The following SYNE2 variants were observed in gnomAD, a reference collection of about 807,000 sequenced individuals.
The protein encoded by SYNE2 is nesprin-2.
A neutral mutation model predicts 856.3 loss-of-function variants in SYNE2; 431 were observed. That is an observed-to-expected ratio of 0.50 (90% confidence interval 0.47 to 0.55). The LOEUF (loss-of-function observed/expected upper bound fraction) is 0.55, where lower values mean the gene tolerates loss of function less well. Ranked by LOEUF, SYNE2 falls within the 20% of genes least tolerant of loss-of-function variation. The pLI is 0.00. For missense variants in SYNE2, 8,129 were observed against 8,023.2 expected (o/e 1.01, Z -0.50); for synonymous variants, 2,923 against 2,872.3 (o/e 1.02, Z -0.56).
chr14:63,924,858 T>TTTTTTTTTTTTTTTTTTTTTTTTTTTTTA (rs2095644720), intron 2 of SYNE2, among the ~76,000 whole-genome samples: 1 of 136,348 alleles, frequency 7.3e-6, no homozygotes, highest in Non-Finnish European at 1.6e-5. Flanking sequence ...TTTTTTTTTT[T>TTTTTTTTTTTTTTTTTTTTTTTTTTTTTA]TTTTTGCCTT....
At chr14:63,997,493 G>A (rs1370625778) in intron 25 of SYNE2, 102 bp downstream of exon 25, 7 of 1,001,680 alleles carry the variant, frequency 7.0e-6, no homozygotes, top group African/African-American at 1.6e-5. Context: ...TTAATTATTC[G>A]ATTGTTTTTA....
Position 63,996,966 on chromosome 14 carries a change from G to C in SYNE2, c.2960G>C (p.Gly987Ala), listed in dbSNP as rs769535616. Residue 987 changes from glycine (G) to alanine (A), a missense_variant, in exon 24 of 116, where the codon GGC becomes GCC. By Grantham distance (60) the Gly-to-Ala change is moderately conservative (BLOSUM62 0). Coordinates refer to ENST00000555002, the MANE Select transcript of SYNE2 (RefSeq NM_182914.3). ...AATTAGGCCTGCTTTTCTGAGGAAG[G>C]CTGCCTGTACCAGCTTAATCACCAC... ...KEHEACFSEE[G>A]CLYQLNHHME... 1 of 1,614,038 alleles carries C rather than the reference G, an allele frequency of 6.2e-7. No homozygotes were observed.
At chr14:63,872,776 A>AAAAG (rs1179580771) in intron 1 of SYNE2, among the ~76,000 whole-genome samples, 1 of 151,704 alleles carries the variant, frequency 6.6e-6, no homozygotes, top group Non-Finnish European at 1.5e-5. Flanking sequence ...AAAAAAAAAA[A>AAAAG]AAAAAGATGA....
In SYNE2 at chr14:64,226,289, T is replaced by C. The variant is rs571634698; in HGVS notation, c.*763T>C. 222 of 151,978 alleles carry C rather than the reference T, an allele frequency of 1.5e-3. 1 individual carries two copies. The highest frequency in any genetic ancestry group is 5.1e-3 in the African/African-American group (209 of 41,218). 9.4% of individuals were successfully genotyped at this position (151,978 alleles called of 1,614,324 possible). ...TTTGTAAGTTAATTTTCTAAGACTTTTTCACATCCAAAGTGATGCTTTGCT... is the reference window on the plus strand; with the variant it reads ...TTTGTAAGTTAATTTTCTAAGACTTCTTCACATCCAAAGTGATGCTTTGCT... On this transcript the variant is annotated 3_prime_UTR_variant, in exon 116 of 116. Coordinates refer to ENST00000555002, the MANE Select transcript of SYNE2 (RefSeq NM_182914.3).
rs547498552 is a variant in SYNE2 at position 63,944,809 on chromosome 14, G to A, written c.408+2666G>A. Among the ~76,000 whole-genome samples, 107 of 131,298 alleles carry A rather than the reference G, an allele frequency of 8.1e-4. 6 individuals are homozygous for A. The South Asian group carries it at 0.024, about 30-fold the overall frequency. 86.1% of individuals were successfully genotyped at this position (131,298 alleles called of 152,430 possible). A position where few individuals can be genotyped will look rare whatever the true frequency, so the allele number is the denominator to read the frequency against. On this transcript the variant is annotated intron_variant, in intron 6 of 115. Transcript: ENST00000555002. ...GCTGGGATTACAGGCGTGAGCCACC[G>A]TGCTGGGCTTAAAGCTTTTTTTTTT...
chr14:63,955,178 G>A (rs2096225780), intron 8 of SYNE2, among the ~76,000 whole-genome samples: 1 of 152,138 alleles, frequency 6.6e-6, no homozygotes, highest in Non-Finnish European at 1.5e-5. Context: ...CTTCTATTAT[G>A]TTCTGTGTTT....
chr14:64,027,934 G>A (rs1009220827), intron 43 of SYNE2, 141 bp downstream of exon 43: 1 of 750,654 alleles, frequency 1.3e-6, no homozygotes, highest in Non-Finnish European at 2.1e-6. Context: ...TTGAGACAGG[G>A]TCTCACTCTT....
intron 92 of SYNE2, 150 bp downstream of exon 92, chr14:64,167,789 T>C (rs920639693): frequency 1.4e-5 from 15 of 1,072,206 alleles, no homozygotes; most frequent in African/African-American, 3.2e-5. Flanking sequence ...AATTGGTCAT[T>C]TGTAAAATTC....
intron 1 of SYNE2, among the ~76,000 whole-genome samples, chr14:63,799,139 C>G (rs974326339): frequency 6.6e-6 from 1 of 152,148 alleles, no homozygotes; most frequent in Non-Finnish European, 1.5e-5. Flanking sequence ...AGTGCAGTGG[C>G]GCAATCTCTG....
chr14:63,962,511 G>A (rs1440581347), intron 9 of SYNE2, among the ~76,000 whole-genome samples: 4 of 152,152 alleles, frequency 2.6e-5, no homozygotes, highest in South Asian at 2.1e-4. Flanking sequence ...GCACATTTCC[G>A]GTTTGCCTAT....
chr14:64,183,132 G>T (rs1163529361), intron 96 of SYNE2, among the ~76,000 whole-genome samples: 2 of 149,142 alleles, frequency 1.3e-5, no homozygotes, highest in Admixed American at 6.6e-5. Context: ...GGCGGCTGCC[G>T]GGCGGAGGGG....
intron 1 of SYNE2, among the ~76,000 whole-genome samples, chr14:63,803,842 C>T (rs1353342988): frequency 6.6e-6 from 1 of 152,164 alleles, no homozygotes; most frequent in South Asian, 2.1e-4. Flanking sequence ...TATGTCCCTG[C>T]CAAAATCTCA....
intron 53 of SYNE2, among the ~76,000 whole-genome samples, chr14:64,075,335 G>T (rs1595346833): frequency 6.6e-6 from 1 of 152,212 alleles, no homozygotes; most frequent in East Asian, 1.9e-4. Flanking sequence ...GGAGAAGGTA[G>T]ATCAGATTTG....
rs1397539248 is a variant in SYNE2, at chr14:64,021,330, A to G, written c.5167A>G (p.Ile1723Val). 1.2e-6 allele frequency: 2 copies of G among 1,614,004 alleles called. No homozygotes were observed. Among genetic ancestry groups the G allele is most frequent in the South Asian group, 1.1e-5 (1 of 91,074 alleles). ...ATGATTTCAGGTCATGGAGTCCTCT[A>G]TTTTGAACAAGATGGAACATGTACA... ...PLELQVMESS[I>V]LNKMEHVQKC... is the part of the protein sequence containing the mutation. The change falls in exon 36 of 116, where the codon ATT becomes GTT. Residue 1723 changes from isoleucine to valine, a missense_variant. Around this residue, in one of 3 missense-constraint regions of SYNE2, gnomAD observed 2,422 missense variants for 2,357.4 expected, o/e 1.03. Coordinates refer to ENST00000555002, the MANE Select transcript of SYNE2 (RefSeq NM_182914.3).
rs749465617 is a variant in SYNE2 at position 64,052,646 on chromosome 14, A to G, written c.8733A>G (p.Leu2911=). ...IYEELNVFER[L]FLEDQLKNLK... is the part of the protein sequence containing the mutation. ...AGGAGCTGAATGTGTTTGAAAGATT[A>G]TTTCTGGAAGATCAGTTGAAAAATC... Residue 2911 remains leucine (L), a synonymous_variant, in exon 48 of 116, where the codon TTA becomes TTG. Coordinates refer to ENST00000555002, the MANE Select transcript of SYNE2 (RefSeq NM_182914.3). 6 of 1,614,054 alleles carry G rather than the reference A, an allele frequency of 3.7e-6. No individual in the cohort carries two copies. The highest frequency in any genetic ancestry group is 5.1e-6 in the Non-Finnish European group (6 of 1,179,966).
chr14:63,852,634 C>G (rs553134434), upstream of SYNE2, among the ~76,000 whole-genome samples: 1 of 152,304 alleles, frequency 6.6e-6, no homozygotes, highest in African/African-American at 2.4e-5. Flanking sequence ...AATCGCAGAT[C>G]TGCTCTCTAA....
intron 10 of SYNE2, among the ~76,000 whole-genome samples, chr14:63,964,884 G>C (rs973863878): frequency 6.6e-6 from 1 of 151,234 alleles, no homozygotes; most frequent in Non-Finnish European, 1.5e-5. Context: ...AGGGATCCTA[G>C]AATTACAATA....
At chr14:63,830,809 A>G (rs574901575) in intron 1 of SYNE2, among the ~76,000 whole-genome samples, 1 of 147,212 alleles carries the variant, frequency 6.8e-6, no homozygotes, top group South Asian at 2.2e-4. Context: ...CCTATTTCTC[A>G]CCACCAATCT....
chr14:64,098,843 T>C, intron 63 of SYNE2, 22 bp downstream of exon 63: 4 of 1,611,482 alleles, frequency 2.5e-6, no homozygotes, highest in Non-Finnish European at 3.4e-6. Context: ...GATTTTCTTG[T>C]TAAAGTTTGT....
Sources: allele counts gnomAD v4.1 joint callset (sites outside exome capture counted in the v4.1 genomes callset), GRCh38; gene constraint gnomAD v4.1.1; regional missense constraint gnomAD v4.1.1; transcripts MANE v1.5; gene names NCBI Gene and HGNC (gene_info 2026-07-23, HGNC 2026-07-21).